Variants in TRPC6 observed in about 807,000 individuals in gnomAD.
The protein encoded by TRPC6 is short transient receptor potential channel 6.
A neutral mutation model predicts 90.7 loss-of-function variants in TRPC6; 55 were observed. The ratio of observed to expected loss-of-function variants is 0.61; its 90% CI spans 0.49 to 0.76. The LOEUF (loss-of-function observed/expected upper bound fraction) is 0.76, where lower values mean the gene tolerates loss of function less well. Among genes scored for constraint, TRPC6 ranks in the 30% least tolerant of loss-of-function variants. The pLI, the probability that TRPC6 is intolerant of heterozygous loss-of-function variation, is 0.00. For missense variants in TRPC6, 989 were observed against 1,122.7 expected (o/e 0.88, Z 1.70); for synonymous variants, 393 against 393.0 (o/e 1.00, Z 0.00).
chr11:101,555,756 G>A (rs956542204), intron 1 of TRPC6, among the ~76,000 whole-genome samples: 2 of 151,978 alleles, frequency 1.3e-5, no homozygotes, highest in Non-Finnish European at 2.9e-5. Flanking sequence ...TCTGTAGTCA[G>A]GAACAGAAAA....
At chr11:101,478,956 A>C (rs185552960) in intron 5 of TRPC6, among the ~76,000 whole-genome samples, 1 of 152,264 alleles carries the variant, frequency 6.6e-6, no homozygotes, top group East Asian at 1.9e-4. Flanking sequence ...CATGAAACTG[A>C]AGCTTCAAGA....
At chr11:101,454,342 G>A (rs1858835985) in intron 11 of TRPC6, among the ~76,000 whole-genome samples, 1 of 152,026 alleles carries the variant, frequency 6.6e-6, no homozygotes, top group Non-Finnish European at 1.5e-5. Context: ...TTAAATGGTA[G>A]ATAGTAAAAC....
At chr11:101,578,251 T>A (rs1394114583) in intron 1 of TRPC6, among the ~76,000 whole-genome samples, 3 of 152,142 alleles carry the variant, frequency 2.0e-5, no homozygotes, top group Non-Finnish European at 4.4e-5. Flanking sequence ...AAGGGAGAGA[T>A]AACAAGGATA....
At chr11:101,499,347 A>C (rs1464751275) in intron 2 of TRPC6, among the ~76,000 whole-genome samples, 1 of 152,032 alleles carries the variant, frequency 6.6e-6, no homozygotes, top group Non-Finnish European at 1.5e-5. Context: ...GAAAATGGTC[A>C]AAGCCCATGG....
chr11:101,478,797 C>T (rs1001636702), intron 5 of TRPC6, among the ~76,000 whole-genome samples: 14 of 152,250 alleles, frequency 9.2e-5, no homozygotes, highest in East Asian at 5.8e-4. Context: ...ATTCCTTCAA[C>T]GTGGATGCAG....
chr11:101,471,609 C>G (rs918758041), intron 8 of TRPC6, among the ~76,000 whole-genome samples: 4 of 152,070 alleles, frequency 2.6e-5, no homozygotes, highest in African/African-American at 9.7e-5. Flanking sequence ...CTCCAAGTTC[C>G]CATGTGTTTA....
chr11:101,506,869 T>G (rs537877435), intron 1 of TRPC6, among the ~76,000 whole-genome samples: 2 of 152,216 alleles, frequency 1.3e-5, no homozygotes, highest in African/African-American at 4.8e-5. Flanking sequence ...ATTTAACTAT[T>G]TTAGCTGGTT....
At chr11:101,507,049 ACAG>A (rs1565222880) in intron 1 of TRPC6, among the ~76,000 whole-genome samples, 1 of 141,944 alleles carries the variant, frequency 7.0e-6, no homozygotes, top group Non-Finnish European at 1.5e-5. Context: ...ACACACACAC[ACAG>A]ACCCCCTTCA....
chr11:101,583,213 C>T (rs1380171517), intron 1 of TRPC6, 121 bp downstream of exon 1: 13 of 1,444,180 alleles, frequency 9.0e-6, no homozygotes, highest in South Asian at 1.4e-5. Flanking sequence ...CTCCCAGCAC[C>T]GTCCTAGGAG....
intron 1 of TRPC6, among the ~76,000 whole-genome samples, chr11:101,579,886 C>T (rs1862154756): frequency 6.6e-6 from 1 of 152,154 alleles, no homozygotes; most frequent in Non-Finnish European, 1.5e-5. Context: ...TTCCAGGCTT[C>T]TTCGTCACTG....
At chr11:101,498,821 G>T (rs1207874385) in intron 2 of TRPC6, among the ~76,000 whole-genome samples, 1 of 152,050 alleles carries the variant, frequency 6.6e-6, no homozygotes, top group African/African-American at 2.4e-5. Flanking sequence ...TACATCTTTT[G>T]CTCGCCCACC....
chr11:101,580,475 G>T (rs36168048), intron 1 of TRPC6, among the ~76,000 whole-genome samples: 15,645 of 151,816 alleles, frequency 0.1, 1,409 homozygotes, highest in East Asian at 0.46. Context: ...AACTATTAAG[G>T]CCTTATTTAA....
intron 2 of TRPC6, among the ~76,000 whole-genome samples, chr11:101,503,671 C>A (rs557891035): frequency 2.0e-5 from 3 of 152,088 alleles, no homozygotes; most frequent in African/African-American, 7.2e-5. Context: ...GTGCAGTATA[C>A]CTGGATTCTG....
Position 101,573,936 on chromosome 11 carries a change from GTGTGTGTGTGTGTGTGTGTGTA to G in TRPC6, c.170+9376_170+9397del, listed in dbSNP as rs1341426651. Reference sequence around the variant, plus strand: ...GAAACAAATACGTGTGTGTGTGTGTGTGTGTGTGTGTGTGTGTGTGTATGTGTGTGTGTGTTGAGAAGGGTGG... The same window carrying G: ...GAAACAAATACGTGTGTGTGTGTGTGTGTGTGTGTGTGTTGAGAAGGGTGG... On this transcript the variant is annotated intron_variant, in intron 1 of 12. Transcript: ENST00000344327. Among the ~76,000 whole-genome samples, 896 of 126,092 alleles carry G rather than the reference GTGTGTGTGTGTGTGTGTGTGTA, an allele frequency of 7.1e-3. 53 individuals carry two copies. The highest frequency in any genetic ancestry group is 0.025 in the African/African-American group (849 of 34,648). The allele number at this position is 126,092 out of a possible 152,430, so 82.7% of individuals were successfully genotyped here.
At chr11:101,460,319 C>T (rs2136647824) in intron 10 of TRPC6, among the ~76,000 whole-genome samples, 1 of 152,264 alleles carries the variant, frequency 6.6e-6, no homozygotes, top group East Asian at 1.9e-4. Context: ...AAATGGTGTA[C>T]TATTTCCATA....
chr11:101,529,003 A>G (rs763892301), intron 1 of TRPC6, among the ~76,000 whole-genome samples: 4 of 152,024 alleles, frequency 2.6e-5, no homozygotes, highest in Non-Finnish European at 4.4e-5. Flanking sequence ...GATAGACACC[A>G]TTTTTCTCCT....
intron 10 of TRPC6, among the ~76,000 whole-genome samples, chr11:101,460,800 A>G (rs76901733): frequency 2.6e-5 from 4 of 152,232 alleles, no homozygotes; most frequent in Admixed American, 6.5e-5. Context: ...CAATGAAAAT[A>G]AATATAAAAA....
chr11:101,558,490 CACACACAT>C lies in TRPC6; in HGVS notation c.170+24836_170+24843del, dbSNP rs1565243700. ...ACACACACACACACACACACACACA[CACACACAT>C]ATACTAATCAGTGAAACAGAATAGA... On this transcript the variant is annotated intron_variant, in intron 1 of 12. Transcript: ENST00000344327. Among the ~76,000 whole-genome samples the C allele has an allele frequency of 5.0e-4, 62 of 124,464 alleles. 2 individuals carry two copies. The highest frequency in any genetic ancestry group is 1.2e-3 in the African/African-American group (40 of 33,160). The allele number at this position is 124,464 out of a possible 152,430, so 81.7% of individuals were successfully genotyped here. A position where few individuals can be genotyped will look rare whatever the true frequency, so the allele number is the denominator to read the frequency against.
At chr11:101,510,308 T>A (rs1333777268) in intron 1 of TRPC6, among the ~76,000 whole-genome samples, 1 of 152,082 alleles carries the variant, frequency 6.6e-6, no homozygotes, top group Non-Finnish European at 1.5e-5. Context: ...TCTCTGCAAA[T>A]GGTTTTTATA....
Sources: allele counts gnomAD v4.1 joint callset (sites outside exome capture counted in the v4.1 genomes callset), GRCh38; gene constraint gnomAD v4.1.1; transcripts MANE v1.5; gene names NCBI Gene and HGNC (gene_info 2026-07-23, HGNC 2026-07-21).